The following GAB2 variants were observed in gnomAD, a reference collection of about 807,000 sequenced individuals.
GAB2 encodes the protein GRB2 associated binding protein 2, also known as GRB2-associated-binding protein 2.
In GAB2, 26 loss-of-function variants were observed where a neutral mutation model predicts 65.5. The observed-to-expected ratio is 0.40, with a 90% confidence interval of 0.29 to 0.55. The LOEUF is 0.55. Among genes scored for constraint, GAB2 ranks in the 20% least tolerant of loss-of-function variants. GAB2 has a pLI of 0.53. For synonymous variants in GAB2, 321 were observed against 329.6 expected, an observed-to-expected ratio of 0.97 and a Z score of 0.28; for missense variants, 884 against 875.8, an observed-to-expected ratio of 1.01 and a Z score of -0.12.
chr11:78,289,663 T>C (rs756115770), intron 1 of GAB2, among the ~76,000 whole-genome samples: 3 of 152,094 alleles, frequency 2.0e-5, no homozygotes, highest in South Asian at 4.1e-4. Flanking sequence ...AATACGCTAG[T>C]AGACCACTGA....
At chr11:78,380,354 G>A (rs1484293835) in intron 1 of GAB2, among the ~76,000 whole-genome samples, 1 of 152,124 alleles carries the variant, frequency 6.6e-6, no homozygotes, top group Non-Finnish European at 1.5e-5. Flanking sequence ...ACAGGTGCGT[G>A]CCACCATGCC....
intron 2 of GAB2, among the ~76,000 whole-genome samples, chr11:78,269,209 A>C (rs1383478853): frequency 1.3e-5 from 2 of 152,048 alleles, no homozygotes; most frequent in East Asian, 3.9e-4. Context: ...TTGAGAGAGG[A>C]GTCTCAGCCT....
intron 1 of GAB2, among the ~76,000 whole-genome samples, chr11:78,402,681 C>T (rs1591090440): frequency 6.6e-6 from 1 of 151,492 alleles, no homozygotes; most frequent in African/African-American, 2.4e-5. Flanking sequence ...GTCTCAAACT[C>T]CTCAGGTGAC....
chr11:78,224,995 G>A (rs1864580741), intron 5 of GAB2, 113 bp downstream of exon 5: 3 of 686,606 alleles, frequency 4.4e-6, no homozygotes, highest in African/African-American at 1.8e-5. Context: ...CTTGGGCAGG[G>A]TCCTAAGATG....
intron 2 of GAB2, among the ~76,000 whole-genome samples, chr11:78,277,234 T>G (rs895737666): frequency 6.6e-6 from 1 of 152,142 alleles, no homozygotes; most frequent in Non-Finnish European, 1.5e-5. Context: ...TAAAAGCCAT[T>G]TGGTTTTTGG....
At chr11:78,261,087 G>A (rs1055938159) in intron 2 of GAB2, among the ~76,000 whole-genome samples, 3 of 152,060 alleles carry the variant, frequency 2.0e-5, no homozygotes, top group South Asian at 4.2e-4. Flanking sequence ...ATGTGTGTGT[G>A]TATATGTATG....
chr11:78,229,574 A>C (rs1482161709), intron 3 of GAB2, among the ~76,000 whole-genome samples: 2 of 152,208 alleles, frequency 1.3e-5, no homozygotes, highest in Non-Finnish European at 2.9e-5. Context: ...GGAGTCACCC[A>C]CATTATGATT....
intron 1 of GAB2, among the ~76,000 whole-genome samples, chr11:78,368,111 C>T (rs1362498812): frequency 2.0e-5 from 3 of 152,126 alleles, no homozygotes; most frequent in Non-Finnish European, 2.9e-5. Flanking sequence ...CCACTGCGCC[C>T]GGCTGTCAGT....
At position 78,358,772 on chromosome 11, in the gene GAB2, A is replaced by G. The variant is rs550724990; in HGVS notation, c.75+58874T>C. ...ATAAGCCATAATACCATAATGAATG[A>G]CAGCCAGGAAAAACTGATGACAGAA... On this transcript the variant is annotated intron_variant, in intron 1 of 9. Coordinates refer to ENST00000361507, the MANE Select transcript of GAB2 (RefSeq NM_080491.3). 2.7e-4 allele frequency among the ~76,000 whole-genome samples: 41 copies of G among 152,320 alleles called. No individual in the cohort carries two copies. In the South Asian group the frequency reaches 5.2e-3, roughly 19 times the overall value.
chr11:78,414,095 A>G (rs796881070), intron 1 of GAB2, among the ~76,000 whole-genome samples: 1 of 149,274 alleles, frequency 6.7e-6, no homozygotes, highest in African/African-American at 2.6e-5. Context: ...CTCAAAAAAA[A>G]AAAAAAAAAA....
At chr11:78,316,781 T>C (rs1372557353) in intron 1 of GAB2, among the ~76,000 whole-genome samples, 1 of 152,214 alleles carries the variant, frequency 6.6e-6, no homozygotes, top group African/African-American at 2.4e-5. Flanking sequence ...ATTCTACTTT[T>C]GGATACAGAC....
At position 78,337,167 on chromosome 11, in the gene GAB2, T is replaced by C. The variant is rs150894943; in HGVS notation, c.76-56266A>G. 9.9e-3 allele frequency among the ~76,000 whole-genome samples: 1,511 copies of C among 152,330 alleles called. 27 individuals carry two copies. Among genetic ancestry groups the C allele is most frequent in the Non-Finnish European group, 0.013 (916 of 68,020 alleles). Reference sequence around the variant, plus strand: ...CTTTGGGTTCCAAGATCTCAACACATTCTTAGCATTTGGTCTCAGCAAAAG... The same window carrying C: ...CTTTGGGTTCCAAGATCTCAACACACTCTTAGCATTTGGTCTCAGCAAAAG... On this transcript the variant is annotated intron_variant, in intron 1 of 9. Transcript: ENST00000361507.
rs138727327 is a variant in GAB2, at chr11:78,236,325, G to A, written c.621-9274C>T. 2.1e-3 allele frequency among the ~76,000 whole-genome samples: 323 copies of A among 152,008 alleles called. 1 individual carries two copies. Among genetic ancestry groups the A allele is most frequent in the African/African-American group, 7.2e-3 (298 of 41,454 alleles). ...GCTAAACTCACTTAAAAATTTTTTT[G>A]TTGTTAAAATACACAGGGTTTCGCC... On this transcript the variant is annotated intron_variant, in intron 3 of 9. Transcript: ENST00000361507.
intron 1 of GAB2, among the ~76,000 whole-genome samples, chr11:78,334,605 G>A (rs770298215): frequency 6.6e-6 from 1 of 152,176 alleles, no homozygotes; most frequent in Non-Finnish European, 1.5e-5. Flanking sequence ...TTTTATGGCT[G>A]AATAGTAATT....
intron 2 of GAB2, among the ~76,000 whole-genome samples, chr11:78,279,212 C>T (rs1866261923): frequency 6.6e-6 from 1 of 152,130 alleles, no homozygotes; most frequent in Non-Finnish European, 1.5e-5. Context: ...ATATCTAGTT[C>T]AGGAATGACT....
At chr11:78,322,807 A>AC (rs1855750883) in intron 1 of GAB2, among the ~76,000 whole-genome samples, 1 of 151,952 alleles carries the variant, frequency 6.6e-6, no homozygotes, top group African/African-American at 2.4e-5. Context: ...TAAAAAAAAA[A>AC]AAAAAACAAC....
rs117463724 is a variant in GAB2 at position 78,222,296 on chromosome 11, A to C, written c.1568-101T>G. 1.7e-5 allele frequency: 13 copies of C among 753,228 alleles called. No individual in the cohort carries two copies. The East Asian group carries it at 3.4e-4, about 20-fold the overall frequency. The allele number at this position is 753,228 out of a possible 1,614,324, so 46.7% of individuals were successfully genotyped here. On this transcript the variant is annotated intron_variant, in intron 6 of 9. Transcript: ENST00000361507. The stretch of plus-strand genomic sequence containing the variant: ...TGAGCATGTTTATAAAGGCCTGCAA[A>C]GTCATTCCAGTTTCACACAGGGAAA...
chr11:78,326,737 C>G (rs2134670911), intron 1 of GAB2, among the ~76,000 whole-genome samples: 1 of 152,296 alleles, frequency 6.6e-6, no homozygotes, highest in South Asian at 2.1e-4. Flanking sequence ...CTGTTGAATA[C>G]ATGAAATTCT....
intron 1 of GAB2, among the ~76,000 whole-genome samples, chr11:78,295,991 A>T (rs1351045138): frequency 6.6e-6 from 1 of 152,202 alleles, no homozygotes; most frequent in Non-Finnish European, 1.5e-5. Context: ...TTCCATGGAA[A>T]GGGGTAGGGA....
Sources: gnomAD v4.1 joint callset for allele counts (sites outside exome capture counted in the v4.1 genomes callset) on GRCh38, gnomAD v4.1.1 for gene constraint, MANE v1.5 for transcripts, NCBI Gene and HGNC (gene_info 2026-07-23, HGNC 2026-07-21) for gene names.